MGA: variants seen among roughly 807,000 people sequenced by gnomAD.
MGA encodes the protein MAX dimerization protein MGA.
Under a neutral mutation model 261.1 loss-of-function variants are expected in MGA, and 40 were observed. The ratio of observed to expected loss-of-function variants is 0.15; its 90% CI spans 0.12 to 0.20. MGA has a LOEUF of 0.20. Among genes scored for constraint, MGA ranks in the 10% least tolerant of loss-of-function variants. MGA has a pLI of 1.00. For missense variants in MGA, 3,397 were observed against 3,630.5 expected (o/e 0.94, Z 1.65); for synonymous variants, 1,302 against 1,290.6 (o/e 1.01, Z -0.19).
chr15:41,693,282 A>G (rs1035783287), intron 2 of MGA, among the ~76,000 whole-genome samples: 1 of 149,484 alleles, frequency 6.7e-6, no homozygotes. Flanking sequence ...AGCATTAGGT[A>G]TATCTCCCAA....
At chr15:41,742,134 C>G (rs1299507047) in intron 14 of MGA, among the ~76,000 whole-genome samples, 1 of 151,648 alleles carries the variant, frequency 6.6e-6, no homozygotes, top group Non-Finnish European at 1.5e-5. Flanking sequence ...CACCTGTAAT[C>G]CTAGCACTTT....
In MGA at chr15:41,719,539, A is replaced by G. The variant is rs559702237; in HGVS notation, c.3430+6043A>G. Reference sequence around the variant, plus strand: ...GTGAATCATCTGAGCTCAGGAGTTCATGACCAGCCTGGGCAACATGGCGAA... The same window carrying G: ...GTGAATCATCTGAGCTCAGGAGTTCGTGACCAGCCTGGGCAACATGGCGAA... On this transcript the variant is annotated intron_variant, in intron 9 of 23. Transcript: ENST00000219905. Among the ~76,000 whole-genome samples the G allele has an allele frequency of 7.2e-5, 11 of 152,264 alleles. No homozygotes were observed. In the East Asian group the frequency reaches 1.5e-3, roughly 21 times the overall value.
intron 2 of MGA, among the ~76,000 whole-genome samples, chr15:41,673,418 A>G (rs1312104280): frequency 2.0e-5 from 3 of 150,852 alleles, no homozygotes. Context: ...GCGTTTCACC[A>G]TGTTGGCCAG....
In MGA at chr15:41,713,206, G is replaced by A. The variant is rs766395209; in HGVS notation, c.3140G>A (p.Cys1047Tyr). The A allele has an allele frequency of 6.2e-7, 1 of 1,613,964 alleles. No individual in the cohort carries two copies. The highest frequency in any genetic ancestry group is 8.5e-7 in the Non-Finnish European group (1 of 1,179,900). ...ATCATAAGGAAACGAGCCCCTCCCTGCAACAATGACTTCTGTCGACTGGGT... is the reference window on the plus strand; with the variant it reads ...ATCATAAGGAAACGAGCCCCTCCCTACAACAATGACTTCTGTCGACTGGGT... The change falls in exon 9 of 24, where the codon TGC becomes TAC. Residue 1047 changes from cysteine to tyrosine, a missense_variant. Around this residue, in one of 9 missense-constraint regions of MGA, gnomAD observed 519 missense variants for 554.1 expected, o/e 0.94. Coordinates refer to ENST00000219905, the MANE Select transcript of MGA (RefSeq NM_001164273.2).
At chr15:41,668,705 T>G in intron 1 of MGA, 123 bp from the exon 2 acceptor site, 1 of 451,936 alleles carries the variant, frequency 2.2e-6, no homozygotes, top group Non-Finnish European at 3.9e-6. Context: ...AAGCAAAGTC[T>G]TAGAAGAATT....
chr15:41,666,061 T>TA (rs1334919379), intron 1 of MGA, among the ~76,000 whole-genome samples: 1 of 10,808 alleles, frequency 9.3e-5, no homozygotes, highest in African/African-American at 1.3e-4. Context: ...ATACCTGCTA[T>TA]TTTTTTTTTT....
intron 2 of MGA, chr15:41,691,498 C>T (rs183821004): frequency 2.0e-5 from 6 of 305,968 alleles, no homozygotes; most frequent in Non-Finnish European, 2.1e-5. Flanking sequence ...TTTGCTTTTT[C>T]CTCTACAATC....
In MGA at chr15:41,766,058, C is replaced by T. The variant is rs1264081537; in HGVS notation, c.7976C>T (p.Thr2659Ile). Reference sequence around the variant, plus strand: ...ATTGTTAATGTGACATCATTGGCCACAGAGGGAGGTTTGGTAGATATGGGT... The same window carrying T: ...ATTGTTAATGTGACATCATTGGCCATAGAGGGAGGTTTGGTAGATATGGGT... Residue 2659 changes from threonine to isoleucine, a missense_variant, in exon 24 of 24, where the codon ACA becomes ATA. Around this residue, in one of 9 missense-constraint regions of MGA, gnomAD observed 647 missense variants for 642.4 expected, o/e 1.01. Coordinates refer to ENST00000219905, the MANE Select transcript of MGA (RefSeq NM_001164273.2). 1 of 1,613,654 alleles carries T rather than the reference C, an allele frequency of 6.2e-7. No homozygotes were observed. The highest frequency in any genetic ancestry group is 1.7e-5 in the Admixed American group (1 of 59,982).
rs950253638 is a variant in MGA at position 41,712,116 on chromosome 15, T to C, written c.3084+767T>C. On this transcript the variant is annotated intron_variant, in intron 8 of 23. Coordinates refer to ENST00000219905, the MANE Select transcript of MGA (RefSeq NM_001164273.2). ...TAATTTTTCACTTATTTATTTTTAT[T>C]TTTATATTTTAGAAGTTTTATGGCA... Among the ~76,000 whole-genome samples, 8 of 152,158 alleles carry C rather than the reference T, an allele frequency of 5.3e-5. 1 individual carries two copies. The highest frequency in any genetic ancestry group is 4.6e-4 in the Admixed American group (7 of 15,272).
intron 2 of MGA, among the ~76,000 whole-genome samples, chr15:41,676,311 T>G (rs947368543): frequency 2.0e-5 from 3 of 152,078 alleles, no homozygotes; most frequent in Non-Finnish European, 4.4e-5. Context: ...GCCTCCCGAG[T>G]AGCTGGGATT....
At chr15:41,707,581 T>G in intron 5 of MGA, 147 bp from the exon 6 acceptor site, 1 of 723,478 alleles carries the variant, frequency 1.4e-6, no homozygotes, top group Non-Finnish European at 2.2e-6. Flanking sequence ...TACAGTTTGT[T>G]TTTTTCATTG....
chr15:41,756,816 A>C (rs943633148), intron 18 of MGA, among the ~76,000 whole-genome samples: 1 of 151,790 alleles, frequency 6.6e-6, no homozygotes, highest in African/African-American at 2.4e-5. Context: ...CTAATTTTGA[A>C]CTCCTGGCCT....
At chr15:41,764,284 C>T (rs1441544025) in intron 22 of MGA, among the ~76,000 whole-genome samples, 4 of 139,804 alleles carry the variant, frequency 2.9e-5, no homozygotes, top group Non-Finnish European at 3.0e-5. Flanking sequence ...GACGGAGTCT[C>T]GCTCTGTTGC....
intron 1 of MGA, among the ~76,000 whole-genome samples, chr15:41,666,701 T>C (rs1193080742): frequency 6.6e-6 from 1 of 152,246 alleles, no homozygotes; most frequent in African/African-American, 2.4e-5. Flanking sequence ...GCTTATACAT[T>C]CTCTTTTGTG....
chr15:41,631,435 A>G (rs941657628), intron 1 of MGA, among the ~76,000 whole-genome samples: 4 of 152,246 alleles, frequency 2.6e-5, no homozygotes, highest in Non-Finnish European at 1.5e-5. Context: ...TGGGAAGCCA[A>G]GGAAGGAGGA....
At chr15:41,757,872 T>C (rs1488111158) in intron 19 of MGA, 33 bp downstream of exon 19, 4 of 1,521,456 alleles carry the variant, frequency 2.6e-6, no homozygotes, top group African/African-American at 1.4e-5. Context: ...TAATTACTCA[T>C]TGAATAAAAT....
chr15:41,698,880 T>C lies in MGA; in HGVS notation c.2031T>C (p.His677=), dbSNP rs188997583. The C allele has an allele frequency of 4.9e-5, 76 of 1,548,414 alleles. No individual in the cohort carries two copies. In the African/African-American group the frequency reaches 9.6e-4, roughly 20 times the overall value. The change falls in exon 4 of 24, where the codon CAT becomes CAC. Residue 677 remains histidine, a synonymous_variant. Coordinates refer to ENST00000219905, the MANE Select transcript of MGA (RefSeq NM_001164273.2). ...ATGTATAGGAAGCTCTAGACATTCA[T>C]GCAGTTGATGGGACAACAGAAGAAT...
rs919126707 is a variant in MGA, at chr15:41,713,587, T to C, written c.3430+91T>C. ...ATAATACAACCTACCTTAATCCCGA[T>C]CAATTATCCAATAAGAGCTTTGAGA... On this transcript the variant is annotated intron_variant, in intron 9 of 23. Coordinates refer to ENST00000219905, the MANE Select transcript of MGA (RefSeq NM_001164273.2). 26 of 1,376,718 alleles carry C rather than the reference T, an allele frequency of 1.9e-5. No individual in the cohort carries two copies. In the African/African-American group the frequency reaches 3.4e-4, roughly 18 times the overall value. The allele number at this position is 1,376,718 out of a possible 1,614,324, so 85.3% of individuals were successfully genotyped here.
rs375806857 is a variant in MGA, at chr15:41,696,471, C to T, written c.1461C>T (p.Pro487=). Residue 487 remains proline, a synonymous_variant, in exon 3 of 24, where the codon CCC becomes CCT. Coordinates refer to ENST00000219905, the MANE Select transcript of MGA (RefSeq NM_001164273.2). ...GCACAGTTAAGATTTCTGAACTCCCCGATAACATGCTTTCCACATCTCGAA... is the reference window on the plus strand; with the variant it reads ...GCACAGTTAAGATTTCTGAACTCCCTGATAACATGCTTTCCACATCTCGAA... 2.8e-5 allele frequency: 45 copies of T among 1,613,818 alleles called. No homozygotes were observed. The highest frequency in any genetic ancestry group is 6.6e-5 in the South Asian group (6 of 91,074).
Sources: gnomAD v4.1 joint callset for allele counts (sites outside exome capture counted in the v4.1 genomes callset) on GRCh38, gnomAD v4.1.1 for gene constraint, gnomAD v4.1.1 regional missense constraint, MANE v1.5 for transcripts, NCBI Gene and HGNC (gene_info 2026-07-23, HGNC 2026-07-21) for gene names.